Variants in SMARCA4 observed in about 807,000 individuals in gnomAD.
SMARCA4 encodes SWI/SNF related BAF chromatin remodeling complex subunit ATPase 4.
A neutral mutation model predicts 193.9 loss-of-function variants in SMARCA4; 31 were observed. That is an observed-to-expected ratio of 0.16 (90% CI 0.12 to 0.22). The LOEUF is 0.22. Among genes scored for constraint, SMARCA4 ranks in the 10% least tolerant of loss-of-function variants. The probability of loss-of-function intolerance (pLI) is 1.00; values close to 1 mark genes in which losing one functional copy is unlikely to be tolerated. For synonymous variants in SMARCA4, 942 were observed against 933.1 expected, an observed-to-expected ratio of 1.01 and a Z score of -0.17; for missense variants, 1,148 against 2,296.0, an observed-to-expected ratio of 0.50 and a Z score of 10.22.
At chr19:11,014,774 A>AT (rs2089198676) in intron 16 of SMARCA4, among the ~76,000 whole-genome samples, 1 of 151,924 alleles carries the variant, frequency 6.6e-6, no homozygotes, top group Admixed American at 6.6e-5. Context: ...GCTTTAAAAA[A>AT]TTTTTTTAAA....
In SMARCA4 at chr19:11,024,345, C is replaced by T. The variant is rs754791499; in HGVS notation, c.2988C>T (p.Ile996=). 1.2e-6 allele frequency: 2 copies of T among 1,612,326 alleles called. No individual in the cohort carries two copies. The highest frequency in any genetic ancestry group is 2.2e-5 in the East Asian group (1 of 44,886). Residue 996 remains isoleucine (I), a synonymous_variant, in exon 21 of 35, where the codon ATC becomes ATT. Transcript: ENST00000344626. ...AQLPEKVEYV[I]KCDMSALQRV... is the part of the protein sequence containing the mutation. ...GTCCCCTGCAGGTGGAGTACGTCAT[C>T]AAGTGCGACATGTCTGCGCTGCAGC... is the stretch of plus-strand genomic sequence containing the variant.
chr19:11,040,299 A>C (rs1268849800), intron 29 of SMARCA4: 1 of 151,790 alleles, frequency 6.6e-6, no homozygotes, highest in Non-Finnish European at 1.5e-5. Flanking sequence ...TAATTTTTAA[A>C]ATGTCTTAAA....
At chr19:10,967,403 C>T (rs563450686) in intron 1 of SMARCA4, among the ~76,000 whole-genome samples, 59 of 152,214 alleles carry the variant, frequency 3.9e-4, no homozygotes, top group East Asian at 2.1e-3. Context: ...CTCCCCCTTC[C>T]GGGTTCACGC....
rs1307236869 is a variant in SMARCA4 at position 11,023,994 on chromosome 19, GCC to G, written c.2974-335_2974-334del. Among the ~76,000 whole-genome samples, 5 of 152,316 alleles carry G rather than the reference GCC, an allele frequency of 3.3e-5. No individual in the cohort carries two copies. In the East Asian group the frequency reaches 7.7e-4, roughly 24 times the overall value. On this transcript the variant is annotated intron_variant, in intron 20 of 34. Transcript: ENST00000344626. ...AGGCCTGCTGCAGCCACACCCCTGG[GCC>G]CAGTTCCCACAGCAAGACCCATGGA...
chr19:10,968,796 G>A (rs549721637), intron 1 of SMARCA4, among the ~76,000 whole-genome samples: 3 of 152,248 alleles, frequency 2.0e-5, no homozygotes, highest in South Asian at 2.1e-4. Context: ...ATCTTGCTCC[G>A]AAAGTCCCAG....
At chr19:10,967,952 C>G (rs2084367740) in intron 1 of SMARCA4, among the ~76,000 whole-genome samples, 1 of 152,028 alleles carries the variant, frequency 6.6e-6, no homozygotes, top group African/African-American at 2.4e-5. Flanking sequence ...TCTTGGCTCA[C>G]TGCAATCTCC....
chr19:11,004,500 C>G (rs1005372273), intron 13 of SMARCA4, among the ~76,000 whole-genome samples: 4 of 152,232 alleles, frequency 2.6e-5, no homozygotes, highest in African/African-American at 9.6e-5. Flanking sequence ...ATCCACCCAC[C>G]TGGGCCTCCC....
chr19:11,056,472 C>T (rs1305057334), intron 30 of SMARCA4: 1 of 152,308 alleles, frequency 6.6e-6, no homozygotes, highest in Non-Finnish European at 1.5e-5. Context: ...TTCATGAACA[C>T]ACGTTGGGGA....
At chr19:11,044,693 G>T (rs911270183) in intron 30 of SMARCA4, among the ~76,000 whole-genome samples, 1 of 152,178 alleles carries the variant, frequency 6.6e-6, no homozygotes, top group Non-Finnish European at 1.5e-5. Flanking sequence ...CAGCTCTTTG[G>T]CAATCTCTTC....
rs2147116500 is a variant in SMARCA4 at position 11,059,877 on chromosome 19, A to C, written c.4760A>C (p.Glu1587Ala). 1 of 1,613,932 alleles carries C rather than the reference A, an allele frequency of 6.2e-7. No individual in the cohort carries two copies. Residue 1587 changes from glutamate to alanine, a missense_variant, in exon 33 of 35, where the codon GAA becomes GCA. Around this residue, in one of 17 missense-constraint regions of SMARCA4, gnomAD observed 105 missense variants for 133.7 expected, o/e 0.79. Transcript: ENST00000344626. The part of the protein sequence containing the change: ...EEEEGEEEGS[E>A]SESRSVKVKI... ...GAAGAGGGCGAGGAGGAAGGCTCCG[A>C]ATCCGAATGTGAGTCCCGGGGGGGT...
intron 19 of SMARCA4, among the ~76,000 whole-genome samples, chr19:11,022,647 G>A (rs980040438): frequency 6.6e-6 from 1 of 152,204 alleles, no homozygotes; most frequent in Non-Finnish European, 1.5e-5. Flanking sequence ...GAAGTGCCCT[G>A]CCCAGCACGG....
chr19:10,988,342 C>T (rs1041563305), intron 6 of SMARCA4, among the ~76,000 whole-genome samples: 2 of 152,220 alleles, frequency 1.3e-5, no homozygotes, highest in South Asian at 2.1e-4. Context: ...AGGCTGGTCT[C>T]GAGCTCCTGA....
At position 11,033,961 on chromosome 19, in the gene SMARCA4, C is replaced by T. The variant is rs1015855828; in HGVS notation, c.3873+96C>T. The T allele has an allele frequency of 1.6e-5, 12 of 746,596 alleles. No individual in the cohort carries two copies. The highest frequency in any genetic ancestry group is 3.7e-5 in the Admixed American group (2 of 54,088). 46.2% of individuals were successfully genotyped at this position (746,596 alleles called of 1,614,324 possible). A position where few individuals can be genotyped will look rare whatever the true frequency, so the allele number is the denominator to read the frequency against. On this transcript the variant is annotated intron_variant, in intron 27 of 34. Coordinates refer to ENST00000344626, the MANE Select transcript of SMARCA4 (RefSeq NM_003072.5). The surrounding 1 kb of genome is among the most constrained non-coding windows in gnomAD (Gnocchi z 9.8). ...CCTGGTCCCACGGAGCGTGCGTGTG[C>T]GTGTGCGTGTGTGTGCCTTTCGCTG...
rs1404504585 is a variant in SMARCA4, at chr19:11,058,192, G to A, written c.4425-63G>A. ...CTTAAACAATGTGGGAACCTGCTGA[G>A]GTGGGGTGGGGGCTCCCGGGTGGGC... On this transcript the variant is annotated intron_variant, in intron 30 of 34. Transcript: ENST00000344626. This position sits in a 1 kb window ranked among gnomAD's most constrained non-coding sequence, Gnocchi z 5.8. 2 of 1,013,978 alleles carry A rather than the reference G, an allele frequency of 2.0e-6. No homozygotes were observed. Among genetic ancestry groups the A allele is most frequent in the Admixed American group, 3.4e-5 (2 of 59,136 alleles). 62.8% of individuals were successfully genotyped at this position (1,013,978 alleles called of 1,614,324 possible).
rs780641787 is a variant in SMARCA4, at chr19:11,021,635, C to T, written c.2617-90C>T. ...GCTGCGCTCTTCCACCTGGAGCCTT[C>T]CTGGCTGCTGGGCGCAGAGTGGGAG... On this transcript the variant is annotated intron_variant, in intron 18 of 34. Coordinates refer to ENST00000344626, the MANE Select transcript of SMARCA4 (RefSeq NM_003072.5). 9 of 1,504,782 alleles carry T rather than the reference C, an allele frequency of 6.0e-6. No individual in the cohort carries two copies. In the Middle Eastern group the frequency reaches 6.7e-4, roughly 113 times the overall value. 93.2% of individuals were successfully genotyped at this position (1,504,782 alleles called of 1,614,324 possible). A position where few individuals can be genotyped will look rare whatever the true frequency, so the allele number is the denominator to read the frequency against.
In SMARCA4 at chr19:11,031,506, C is replaced by A. The variant is rs149184478; in HGVS notation, c.3546+613C>A. 6.5e-4 allele frequency: 107 copies of A among 165,276 alleles called. No individual in the cohort carries two copies. Among genetic ancestry groups the A allele is most frequent in the African/African-American group, 2.4e-3 (100 of 41,756 alleles). 10.2% of individuals were successfully genotyped at this position (165,276 alleles called of 1,614,324 possible). ...AGTCCCTTTTCCCTTCCTCTCCAAC[C>A]GTGCTCTCTTCTGAGCCTCTGCCAG... is the stretch of plus-strand genomic sequence containing the variant. On this transcript the variant is annotated intron_variant, in intron 25 of 34. Coordinates refer to ENST00000344626, the MANE Select transcript of SMARCA4 (RefSeq NM_003072.5). The surrounding 1 kb of genome is among the most constrained non-coding windows in gnomAD (Gnocchi z 4.3).
At chr19:10,990,502 T>C (rs906195506) in intron 7 of SMARCA4, among the ~76,000 whole-genome samples, 1 of 152,148 alleles carries the variant, frequency 6.6e-6, no homozygotes, top group African/African-American at 2.4e-5. Context: ...GGTCTTAAAC[T>C]CCTGACCTCA....
intron 9 of SMARCA4, 123 bp downstream of exon 9, chr19:10,995,124 G>A: frequency 1.1e-6 from 1 of 925,086 alleles, no homozygotes; most frequent in Admixed American, 2.0e-5. Flanking sequence ...GTGGGACAGA[G>A]GGAAAAGAGC....
chr19:10,993,101 T>G (rs2086703881), intron 8 of SMARCA4, among the ~76,000 whole-genome samples: 1 of 151,410 alleles, frequency 6.6e-6, no homozygotes, highest in African/African-American at 2.4e-5. Context: ...TTCTCCTGCC[T>G]TAGCCACCTG....
Sources: gnomAD v4.1 joint callset for allele counts (sites outside exome capture counted in the v4.1 genomes callset) on GRCh38, gnomAD v4.1.1 for gene constraint, gnomAD v4.1.1 regional missense constraint, Gnocchi (gnomAD v3.1) non-coding constraint, MANE v1.5 for transcripts, NCBI Gene and HGNC (gene_info 2026-07-23, HGNC 2026-07-21) for gene names.